The following KIFAP3 variants were observed in gnomAD, a reference collection of about 807,000 sequenced individuals.
KIFAP3 encodes the protein kinesin-associated protein 3.
In KIFAP3, 68 loss-of-function variants were observed where a neutral mutation model predicts 106.5. That is an observed-to-expected ratio of 0.64 (90% CI 0.53 to 0.78). The LOEUF (loss-of-function observed/expected upper bound fraction) is 0.78. Among genes scored for constraint, KIFAP3 ranks in the 30% least tolerant of loss-of-function variants. KIFAP3 has a pLI of 0.00. For missense variants in KIFAP3, 780 were observed against 941.8 expected, an observed-to-expected ratio of 0.83 and a Z score of 2.25; for synonymous variants, 320 against 311.5, an observed-to-expected ratio of 1.03 and a Z score of -0.29.
chr1:169,994,604 G>A (rs1667283433), intron 10 of KIFAP3, among the ~76,000 whole-genome samples: 1 of 151,968 alleles, frequency 6.6e-6, no homozygotes, highest in Non-Finnish European at 1.5e-5. Context: ...ACACTAGTAA[G>A]CATTTTCACC....
intron 1 of KIFAP3, among the ~76,000 whole-genome samples, chr1:170,082,481 A>G (rs1424175772): frequency 6.6e-6 from 1 of 152,238 alleles, no homozygotes; most frequent in Non-Finnish European, 1.5e-5. Flanking sequence ...ATGGTCACCC[A>G]TGTGAATACA....
At chr1:170,049,084 T>C (rs1330446252) in intron 2 of KIFAP3, among the ~76,000 whole-genome samples, 1 of 152,192 alleles carries the variant, frequency 6.6e-6, no homozygotes, top group Non-Finnish European at 1.5e-5. Context: ...GGCTTGAAAT[T>C]CTCACTGCCA....
At chr1:169,950,247 CAG>C (rs904998049) in intron 19 of KIFAP3, among the ~76,000 whole-genome samples, 2 of 152,100 alleles carry the variant, frequency 1.3e-5, no homozygotes, top group African/African-American at 2.4e-5. Context: ...ATTAAGAAAA[CAG>C]AGAATGAAAA....
At position 169,953,911 on chromosome 1, in the gene KIFAP3, C is replaced by A. The variant is rs977482388; in HGVS notation, c.2273+100G>T. 3.8e-6 allele frequency: 3 copies of A among 791,768 alleles called. No homozygotes were observed. In the East Asian group the frequency reaches 7.4e-5, roughly 19 times the overall value. 49.0% of individuals were successfully genotyped at this position (791,768 alleles called of 1,614,324 possible). A position where few individuals can be genotyped will look rare whatever the true frequency, so the allele number is the denominator to read the frequency against. ...TGAAAAGATTGAGGGTTTTTTCCCCCCTCTTAATGAAAAAGAAGAGAAATG... is the reference window on the plus strand; with the variant it reads ...TGAAAAGATTGAGGGTTTTTTCCCCACTCTTAATGAAAAAGAAGAGAAATG... On this transcript the variant is annotated intron_variant, in intron 19 of 19. Coordinates refer to ENST00000361580, the MANE Select transcript of KIFAP3 (RefSeq NM_014970.4).
At chr1:170,041,703 G>A in intron 3 of KIFAP3, 1 of 1,535,266 alleles carries the variant, frequency 6.5e-7, no homozygotes. Context: ...TTGGAGTACA[G>A]AAACAGTTTC....
chr1:170,078,035 T>C (rs1483984206), upstream of KIFAP3, among the ~76,000 whole-genome samples: 1 of 152,168 alleles, frequency 6.6e-6, no homozygotes, highest in African/African-American at 2.4e-5. Flanking sequence ...TTTGTGTTAG[T>C]TAGTATTCTT....
rs57883695 is a variant in KIFAP3 at position 170,005,077 on chromosome 1, C to T, written c.1183+11385G>A. Among the ~76,000 whole-genome samples, 1,076 of 151,954 alleles carry T rather than the reference C, an allele frequency of 7.1e-3. 15 individuals carry two copies. Among genetic ancestry groups the T allele is most frequent in the African/African-American group, 0.024 (986 of 41,460 alleles). On this transcript the variant is annotated intron_variant, in intron 10 of 19. Transcript: ENST00000361580. ...TGAACAGACACTTCTCAAAAGAAGA[C>T]ATTTATGCAGCCAAAAAACACATGA...
At chr1:170,062,920 C>A (rs1304726776) in intron 1 of KIFAP3, among the ~76,000 whole-genome samples, 1 of 151,616 alleles carries the variant, frequency 6.6e-6, no homozygotes, top group Non-Finnish European at 1.5e-5. Flanking sequence ...TACCTCTTTG[C>A]AAAAATGGGA....
chr1:169,940,632 C>A (rs1424689330), intron 19 of KIFAP3, among the ~76,000 whole-genome samples: 2 of 152,194 alleles, frequency 1.3e-5, no homozygotes, highest in African/African-American at 4.8e-5. Flanking sequence ...GCTCATGCAA[C>A]AGGAGGTGGA....
At chr1:169,966,240 C>G (rs868060562) in intron 17 of KIFAP3, among the ~76,000 whole-genome samples, 1 of 151,654 alleles carries the variant, frequency 6.6e-6, no homozygotes, top group South Asian at 2.1e-4. Flanking sequence ...AAAAAAGAAG[C>G]AAAACAGCTC....
chr1:169,946,393 A>G (rs1480922445), intron 19 of KIFAP3, among the ~76,000 whole-genome samples: 2 of 152,150 alleles, frequency 1.3e-5, no homozygotes, highest in Non-Finnish European at 2.9e-5. Flanking sequence ...GGTAAACAGT[A>G]TGTCATGTTG....
chr1:169,944,724 T>C (rs1473686803), intron 19 of KIFAP3, among the ~76,000 whole-genome samples: 3 of 151,910 alleles, frequency 2.0e-5, no homozygotes, highest in Admixed American at 2.0e-4. Flanking sequence ...GCCTGATGAG[T>C]GTCCAGCTCT....
intron 8 of KIFAP3, among the ~76,000 whole-genome samples, chr1:170,026,794 T>C (rs527959399): frequency 6.6e-6 from 1 of 152,308 alleles, no homozygotes; most frequent in Admixed American, 6.5e-5. Flanking sequence ...AATTCATGCA[T>C]TAGTGGGTAG....
chr1:169,953,266 CTTAA>C (rs1280216882), intron 19 of KIFAP3, among the ~76,000 whole-genome samples: 1 of 150,802 alleles, frequency 6.6e-6, no homozygotes, highest in Non-Finnish European at 1.5e-5. Flanking sequence ...TTTTTTTTCT[CTTAA>C]TTATTTTAAT....
chr1:169,987,709 G>A lies in KIFAP3; in HGVS notation c.1285-3019C>T, dbSNP rs569312484. 3.3e-5 allele frequency among the ~76,000 whole-genome samples: 5 copies of A among 152,168 alleles called. No individual in the cohort carries two copies. The South Asian group carries it at 8.3e-4, about 25-fold the overall frequency. On this transcript the variant is annotated intron_variant, in intron 11 of 19. Transcript: ENST00000361580. Reference sequence around the variant, plus strand: ...GGACAACTGTGGTGGAAAACATGTGGATCACTATGAAGATTCTTGCACACT... The same window carrying A: ...GGACAACTGTGGTGGAAAACATGTGAATCACTATGAAGATTCTTGCACACT...
chr1:169,984,087 G>A (rs1299018701), intron 12 of KIFAP3, among the ~76,000 whole-genome samples: 1 of 151,602 alleles, frequency 6.6e-6, no homozygotes, highest in Non-Finnish European at 1.5e-5. Flanking sequence ...TCTTACCTAT[G>A]ATTATCTGTG....
At chr1:169,979,999 G>A (rs1185726945) in intron 15 of KIFAP3, among the ~76,000 whole-genome samples, 2 of 151,910 alleles carry the variant, frequency 1.3e-5, no homozygotes, top group Non-Finnish European at 2.9e-5. Context: ...ATATAAGGTA[G>A]AACAAAATAA....
At chr1:169,947,355 T>C (rs1284407528) in intron 19 of KIFAP3, among the ~76,000 whole-genome samples, 1 of 151,934 alleles carries the variant, frequency 6.6e-6, no homozygotes, top group African/African-American at 2.4e-5. Flanking sequence ...ACTGTATTAT[T>C]ATCCAACCTT....
At chr1:170,055,481 A>G in intron 1 of KIFAP3, 45 bp from the exon 2 acceptor site, 1 of 1,482,956 alleles carries the variant, frequency 6.7e-7, no homozygotes, top group Non-Finnish European at 9.1e-7. Context: ...AAAATTCTCA[A>G]AGTGGCCATG....
Sources: allele counts gnomAD v4.1 joint callset (sites outside exome capture counted in the v4.1 genomes callset), GRCh38; gene constraint gnomAD v4.1.1; transcripts MANE v1.5; gene names NCBI Gene and HGNC (gene_info 2026-07-23, HGNC 2026-07-21).